ZNF497: variants seen among roughly 807,000 people sequenced by gnomAD.
ZNF497 encodes the protein zinc finger protein 497.
For missense variants in ZNF497, 930 were observed against 714.0 expected (o/e 1.30, Z -3.45); for synonymous variants, 422 against 313.7 (o/e 1.35, Z -3.65).
rs1245970620 is a variant in ZNF497 at position 58,355,354 on chromosome 19, T to A, written c.*785A>T. 3 of 152,088 alleles carry A rather than the reference T, an allele frequency of 2.0e-5. No homozygotes were observed. Among genetic ancestry groups the A allele is most frequent in the African/African-American group, 4.8e-5 (2 of 41,390 alleles). 9.4% of individuals were successfully genotyped at this position (152,088 alleles called of 1,614,324 possible). A position where few individuals can be genotyped will look rare whatever the true frequency, so the allele number is the denominator to read the frequency against. On this transcript the variant is annotated 3_prime_UTR_variant, in exon 3 of 3. Coordinates refer to ENST00000311044, the MANE Select transcript of ZNF497 (RefSeq NM_198458.3). The stretch of plus-strand genomic sequence containing the variant: ...GGTGAGACACTGTCCTTACAAAAAA[T>A]TTTAAAATTAGCCAGGTGTAGTGAC...
At position 58,355,963 on chromosome 19, in the gene ZNF497, A is replaced by G. The variant is rs1213878365; in HGVS notation, c.*176T>C. On this transcript the variant is annotated 3_prime_UTR_variant, in exon 3 of 3. Coordinates refer to ENST00000311044, the MANE Select transcript of ZNF497 (RefSeq NM_198458.3). ...GACAGGCCTGGGTGGCCGGTGGACT[A>G]TCGTCAAAGGGACTGTGCAGCCAGG... is the stretch of plus-strand genomic sequence containing the variant. The G allele has an allele frequency of 5.8e-6, 4 of 691,038 alleles. No individual in the cohort carries two copies. The highest frequency in any genetic ancestry group is 9.1e-6 in the Non-Finnish European group (4 of 441,614). The allele number at this position is 691,038 out of a possible 1,614,324, so 42.8% of individuals were successfully genotyped here. A position where few individuals can be genotyped will look rare whatever the true frequency, so the allele number is the denominator to read the frequency against.
In ZNF497 at chr19:58,358,079, G is replaced by A. The variant is rs541377091; in HGVS notation, c.-15+410C>T. 5.7e-6 allele frequency: 7 copies of A among 1,228,502 alleles called. No homozygotes were observed. In the African/African-American group the frequency reaches 9.2e-5, roughly 16 times the overall value. 76.1% of individuals were successfully genotyped at this position (1,228,502 alleles called of 1,614,324 possible). ...GACCCGTCTCCATTCCTGAAGGCTG[G>A]AGGACACCGCCTGACCCAAACACAG... On this transcript the variant is annotated intron_variant, in intron 2 of 2. Coordinates refer to ENST00000311044, the MANE Select transcript of ZNF497 (RefSeq NM_198458.3).
rs1245763196 is a variant in ZNF497, at chr19:58,358,578, G to A, written c.-104C>T. On this transcript the variant is annotated 5_prime_UTR_variant, in exon 2 of 3. Transcript: ENST00000311044. ...GACCAGCTCCTCTTGGGGCCTGGGG[G>A]CTGGCACCTGGGGACAGGAAGGCAG... is the stretch of plus-strand genomic sequence containing the variant. 2.5e-6 allele frequency: 3 copies of A among 1,188,062 alleles called. No homozygotes were observed. The highest frequency in any genetic ancestry group is 7.3e-5 in the Admixed American group (2 of 27,452). The allele number at this position is 1,188,062 out of a possible 1,614,324, so 73.6% of individuals were successfully genotyped here. A position where few individuals can be genotyped will look rare whatever the true frequency, so the allele number is the denominator to read the frequency against.
rs992312821 is a variant in ZNF497, at chr19:58,357,582, G to A, written c.54C>T (p.Val18=). 13 of 1,583,928 alleles carry A rather than the reference G, an allele frequency of 8.2e-6. No individual in the cohort carries two copies. The highest frequency in any genetic ancestry group is 4.1e-5 in the African/African-American group (3 of 73,728). The change falls in exon 3 of 3, where the codon GTC becomes GTT. Residue 18 remains valine (V), a synonymous_variant. Coordinates refer to ENST00000311044, the MANE Select transcript of ZNF497 (RefSeq NM_198458.3). ...TLQVAPEEGQ[V]LCNVKTATRG... Reference sequence around the variant, plus strand: ...TCGTGGCAGTCTTCACATTGCAGAGGACCTGGCCTTCCTCTGGGGCCACCT... The same window carrying A: ...TCGTGGCAGTCTTCACATTGCAGAGAACCTGGCCTTCCTCTGGGGCCACCT...
rs747340487 is a variant in ZNF497 at position 58,357,156 on chromosome 19, C to G, written c.480G>C (p.Lys160Asn). ...TGCCGCACTCCCTGCAAGCGTAGGGCTTCTCGCCGCTGTGGATGCGCTGGT... is the reference window on the plus strand; with the variant it reads ...TGCCGCACTCCCTGCAAGCGTAGGGGTTCTCGCCGCTGTGGATGCGCTGGT... ...SQHQRIHSGE[K>N]PYACRECGKA... The change falls in exon 3 of 3, where the codon AAG (lysine) becomes AAC (asparagine). Residue 160 changes from lysine to asparagine, a missense_variant. Transcript: ENST00000311044. The G allele has an allele frequency of 6.2e-7, 1 of 1,612,748 alleles. No homozygotes were observed. Among genetic ancestry groups the G allele is most frequent in the East Asian group, 2.2e-5 (1 of 44,828 alleles).
intron 2 of ZNF497, chr19:58,357,935 C>CA (rs2052047394): frequency 2.2e-6 from 3 of 1,341,326 alleles, no homozygotes; most frequent in Middle Eastern, 2.8e-4. Context: ...CAGAAGGACT[C>CA]AAAGTTGCCC....
chr19:58,357,267 C>T lies in ZNF497; in HGVS notation c.369G>A (p.Gln123=), dbSNP rs2052037870. The T allele has an allele frequency of 6.2e-7, 1 of 1,612,704 alleles. No homozygotes were observed. The highest frequency in any genetic ancestry group is 1.7e-5 in the Admixed American group (1 of 59,908). Residue 123 remains glutamine (Q), a synonymous_variant, in exon 3 of 3, where the codon CAG becomes CAA. Coordinates refer to ENST00000311044, the MANE Select transcript of ZNF497 (RefSeq NM_198458.3). ...TCTCGCCTGTGTGCACGCGCCGATG[C>T]TGCAGCAAGTAAGAGCCCTGGCTGA... is the stretch of plus-strand genomic sequence containing the variant. ...KAFSQGSYLL[Q]HRRVHTGEKP...
chr19:58,358,820 A>G (rs1241549455), intron 1 of ZNF497: 2 of 457,182 alleles, frequency 4.4e-6, no homozygotes, highest in East Asian at 6.9e-5. Context: ...TCAGCCACCA[A>G]CCCACGACTG....
chr19:58,359,156 C>T (rs1208714025), intron 1 of ZNF497: 4 of 1,286,394 alleles, frequency 3.1e-6, no homozygotes, highest in Non-Finnish European at 4.1e-6. Flanking sequence ...GCAGAACCCC[C>T]AGAAGCACTG....
At chr19:58,359,198 A>G (rs958235777) in intron 1 of ZNF497, 5 of 1,290,732 alleles carry the variant, frequency 3.9e-6, no homozygotes, top group Non-Finnish European at 4.0e-6. Context: ...CTCACCCACC[A>G]TCAGTTCCAG....
chr19:58,359,201 A>T (rs1456759156), intron 1 of ZNF497: 1 of 1,290,756 alleles, frequency 7.7e-7, no homozygotes, highest in East Asian at 5.5e-5. Flanking sequence ...ACCCACCATC[A>T]GTTCCAGTGG....
Position 58,356,032 on chromosome 19 carries a change from C to T in ZNF497, c.*107G>A, listed in dbSNP as rs1599909326. The T allele has an allele frequency of 1.5e-6, 2 of 1,305,688 alleles. No homozygotes were observed. Among genetic ancestry groups the T allele is most frequent in the East Asian group, 2.6e-5 (1 of 38,272 alleles). The allele number at this position is 1,305,688 out of a possible 1,614,324, so 80.9% of individuals were successfully genotyped here. ...CGCCCCTGCACTCCCAGCAGGAGGGCGCCCGCACCGGCGGCCCGAAAAAGT... is the reference window on the plus strand; with the variant it reads ...CGCCCCTGCACTCCCAGCAGGAGGGTGCCCGCACCGGCGGCCCGAAAAAGT... On this transcript the variant is annotated 3_prime_UTR_variant, in exon 3 of 3. Transcript: ENST00000311044.
In ZNF497 at chr19:58,356,873, A is replaced by T; in HGVS notation, c.763T>A (p.Phe255Ile). The change falls in exon 3 of 3, where the codon TTC (phenylalanine) becomes ATC (isoleucine). Residue 255 changes from phenylalanine (F) to isoleucine (I), a missense_variant. Physicochemically the swap from Phe to Ile is conservative, Grantham distance 21. Coordinates refer to ENST00000311044, the MANE Select transcript of ZNF497 (RefSeq NM_198458.3). ...TCGGCCAGGTTGGAGCTCTGGCTGA[A>T]GGCCTTGCCACAGTCCCGGCAGGCG... ...PHACRDCGKA[F>I]SQSSNLAEHL... 1 of 1,591,366 alleles carries T rather than the reference A, an allele frequency of 6.3e-7. No homozygotes were observed. The highest frequency in any genetic ancestry group is 8.5e-7 in the Non-Finnish European group (1 of 1,173,812).
chr19:58,356,351 G>A lies in ZNF497; in HGVS notation c.1285C>T (p.Leu429=), dbSNP rs369499608. The A allele has an allele frequency of 4.4e-4, 689 of 1,566,888 alleles. 1 individual carries two copies. The highest frequency in any genetic ancestry group is 5.7e-4 in the Non-Finnish European group (661 of 1,159,278). ...CGKAFRGSSE[L]RQHQRLHSGE... is the part of the protein sequence containing the mutation. ...GAGTGCAGGCGCTGGTGCTGGCGCA[G>A]CTCGGAGCTGCCGCGGAAGGCCTTG... Residue 429 remains leucine, a synonymous_variant, in exon 3 of 3, where the codon CTG becomes TTG. Transcript: ENST00000311044.
intron 2 of ZNF497, chr19:58,358,015 T>A: frequency 8.1e-7 from 1 of 1,230,318 alleles, no homozygotes; most frequent in Non-Finnish European, 1.0e-6. Flanking sequence ...GCCCCAAGTG[T>A]CAAGAAGGTG....
intron 1 of ZNF497, among the ~76,000 whole-genome samples, chr19:58,360,767 CTTTTT>C (rs551580074): frequency 7.5e-4 from 26 of 34,510 alleles, no homozygotes; most frequent in African/African-American, 2.9e-3. Flanking sequence ...GTCCCGAACT[CTTTTT>C]TTTTTTTTTT....
intron 1 of ZNF497, chr19:58,359,121 C>G: frequency 8.3e-7 from 1 of 1,200,470 alleles, no homozygotes; most frequent in South Asian, 1.2e-5. Context: ...GCCAGGGCCC[C>G]TCGGGGCCCT....
At chr19:58,358,638 G>GAGA (rs2052055458) in intron 1 of ZNF497, 53 bp from the exon 2 acceptor site, 2 of 886,874 alleles carry the variant, frequency 2.3e-6, no homozygotes, top group Non-Finnish European at 2.9e-6. Context: ...TAGCAGATCT[G>GAGA]AGAAAACAAG....
rs996260933 is a variant in ZNF497, at chr19:58,356,221, C to G, written c.1415G>C (p.Cys472Ser). ...GCTGAAAGGCTTCCCGCACTCGCCG[C>G]AAGCGTAGGGCCTCTCGCCCGTGTG... is the stretch of plus-strand genomic sequence containing the variant. ...RTHTGERPYA[C>S]GECGKPFSHR... The change falls in exon 3 of 3, where the codon TGC becomes TCC. Residue 472 changes from cysteine (C) to serine (S), a missense_variant. Physicochemically the swap from Cys to Ser is moderately radical, Grantham distance 112. Transcript: ENST00000311044. 6.2e-7 allele frequency: 1 copy of G among 1,603,814 alleles called. No homozygotes were observed. The highest frequency in any genetic ancestry group is 8.5e-7 in the Non-Finnish European group (1 of 1,174,476).
Sources: allele counts gnomAD v4.1 joint callset (sites outside exome capture counted in the v4.1 genomes callset), GRCh38; gene constraint gnomAD v4.1.1; transcripts MANE v1.5; gene names NCBI Gene and HGNC (gene_info 2026-07-23, HGNC 2026-07-21).